The following GFRAL variants were observed in gnomAD, a reference collection of about 807,000 sequenced individuals.
GFRAL encodes GDNF family receptor alpha like, also known as GDNF family receptor alpha-like.
In GFRAL, 36 loss-of-function variants were observed where a neutral mutation model predicts 45.4. The ratio of observed to expected loss-of-function variants is 0.79; its 90% CI spans 0.61 to 1.05. The LOEUF is 1.05. GFRAL is among the 50% of genes least tolerant of loss of function. The pLI is 0.00. For missense variants in GFRAL, 507 were observed against 467.5 expected, an observed-to-expected ratio of 1.08 and a Z score of -0.78; for synonymous variants, 166 against 154.1, an observed-to-expected ratio of 1.08 and a Z score of -0.57.
intron 6 of GFRAL, among the ~76,000 whole-genome samples, chr6:55,363,055 G>A (rs9464234): frequency 0.069 from 10,355 of 150,334 alleles, 1,084 homozygotes; most frequent in East Asian, 0.36. Flanking sequence ...TAGAGGAGGA[G>A]GAGGAGAAAG....
chr6:55,380,776 T>A (rs973230536), intron 6 of GFRAL, among the ~76,000 whole-genome samples: 4 of 151,974 alleles, frequency 2.6e-5, no homozygotes, highest in African/African-American at 9.7e-5. Flanking sequence ...AATGAATGAA[T>A]GAGTAAATGA....
At chr6:55,375,631 G>A (rs978939376) in intron 6 of GFRAL, among the ~76,000 whole-genome samples, 1 of 151,736 alleles carries the variant, frequency 6.6e-6, no homozygotes, top group African/African-American at 2.4e-5. Context: ...CAATTGCTCT[G>A]GCCAAAACTT....
intron 3 of GFRAL, among the ~76,000 whole-genome samples, chr6:55,349,576 A>T (rs1282186163): frequency 6.6e-6 from 1 of 152,040 alleles, no homozygotes; most frequent in Admixed American, 6.6e-5. Flanking sequence ...TTAGATGAAC[A>T]CCGAGTTCAT....
intron 6 of GFRAL, among the ~76,000 whole-genome samples, chr6:55,369,626 T>A (rs4715534): frequency 0.19 from 28,830 of 152,102 alleles, 3,137 homozygotes; most frequent in African/African-American, 0.3. Flanking sequence ...GGCATTTGAA[T>A]AGAGTAAGTT....
intron 5 of GFRAL, among the ~76,000 whole-genome samples, chr6:55,354,230 G>GCA (rs1768156992): frequency 6.6e-6 from 1 of 151,986 alleles, no homozygotes; most frequent in South Asian, 2.1e-4. Flanking sequence ...AGACTCTGAA[G>GCA]CACACACTCT....
chr6:55,395,162 G>GAAAAA (rs869161118), intron 6 of GFRAL, among the ~76,000 whole-genome samples: 8 of 125,172 alleles, frequency 6.4e-5, no homozygotes, highest in African/African-American at 1.7e-4. Context: ...TCAGCCTATG[G>GAAAAA]AAAAAAAAAA....
At chr6:55,357,908 C>A (rs1348995110) in intron 5 of GFRAL, among the ~76,000 whole-genome samples, 2 of 151,762 alleles carry the variant, frequency 1.3e-5, no homozygotes, top group Non-Finnish European at 2.9e-5. Flanking sequence ...ACTTCCAAAA[C>A]TTACATTTAG....
chr6:55,367,410 G>A (rs1163583304), intron 6 of GFRAL, among the ~76,000 whole-genome samples: 1 of 144,874 alleles, frequency 6.9e-6, no homozygotes, highest in African/African-American at 2.7e-5. Context: ...GCCAGTCTGT[G>A]TTTTTTAATT....
chr6:55,342,365 A>C (rs1330351224), intron 3 of GFRAL, among the ~76,000 whole-genome samples: 2 of 152,210 alleles, frequency 1.3e-5, no homozygotes, highest in African/African-American at 4.8e-5. Context: ...GTGGGGACCA[A>C]TATTCAACAT....
intron 1 of GFRAL, among the ~76,000 whole-genome samples, chr6:55,328,618 G>C (rs1051075948): frequency 2.8e-4 from 43 of 151,012 alleles, no homozygotes; most frequent in Admixed American, 9.9e-4. Flanking sequence ...TATTTCTTTA[G>C]TTCTTTTTTG....
intron 3 of GFRAL, 118 bp from the exon 4 acceptor site, chr6:55,349,974 G>T: frequency 1.5e-6 from 1 of 688,290 alleles, no homozygotes; most frequent in Non-Finnish European, 2.6e-6. Flanking sequence ...ACATAACCTT[G>T]TATGTACTTT....
At position 55,399,274 on chromosome 6, in the gene GFRAL, T is replaced by G. The variant is rs780116452; in HGVS notation, c.1047T>G (p.Asn349Lys). 25 of 1,581,480 alleles carry G rather than the reference T, an allele frequency of 1.6e-5. No homozygotes were observed. In the South Asian group the frequency reaches 2.8e-4, roughly 18 times the overall value. The change falls in exon 7 of 9, where the codon AAT becomes AAG. Residue 349 changes from asparagine (N) to lysine (K), a missense_variant and splice_region_variant. By Grantham distance (94) the Asn-to-Lys change is moderately conservative. Transcript: ENST00000340465. ...TAACTGGATTTCATTCCCCCTTCAA[T>G]GGTCAGTTAAAAATCAATCCTCTAT... is the stretch of plus-strand genomic sequence containing the variant. ...ITLTGFHSPFNGEVIYAAMCM... is the reference protein window; with the variant it reads ...ITLTGFHSPFKGEVIYAAMCM...
intron 6 of GFRAL, among the ~76,000 whole-genome samples, chr6:55,366,031 G>A (rs1581914431): frequency 6.6e-6 from 1 of 150,624 alleles, no homozygotes; most frequent in South Asian, 2.1e-4. Flanking sequence ...GTTCCTCCTT[G>A]TACCTCTGGT....
intron 6 of GFRAL, among the ~76,000 whole-genome samples, chr6:55,372,790 A>T (rs958607126): frequency 1.3e-5 from 2 of 152,176 alleles, no homozygotes; most frequent in African/African-American, 4.8e-5. Context: ...TAATCAACAA[A>T]TAAGTCTCTG....
intron 3 of GFRAL, among the ~76,000 whole-genome samples, chr6:55,339,877 A>G (rs1767939210): frequency 4.6e-5 from 7 of 152,240 alleles, no homozygotes. Flanking sequence ...AGAACTATAC[A>G]TATTTAGAGC....
intron 6 of GFRAL, among the ~76,000 whole-genome samples, chr6:55,388,630 T>C (rs1266115956): frequency 6.6e-6 from 1 of 152,194 alleles, no homozygotes; most frequent in African/African-American, 2.4e-5. Flanking sequence ...TTCGACTCAG[T>C]CAATTTCTTT....
chr6:55,341,361 T>C (rs1445120311), intron 3 of GFRAL, among the ~76,000 whole-genome samples: 1 of 152,184 alleles, frequency 6.6e-6, no homozygotes, highest in East Asian at 1.9e-4. Flanking sequence ...CATTTGCTGT[T>C]CAGCAATATT....
At chr6:55,333,708 G>T in intron 2 of GFRAL, 78 bp from the exon 3 acceptor site, 1 of 880,026 alleles carries the variant, frequency 1.1e-6, no homozygotes. Flanking sequence ...AGGTTAATAT[G>T]TTAAAAGTAC....
chr6:55,349,600 A>G (rs1395950894), intron 3 of GFRAL, among the ~76,000 whole-genome samples: 1 of 151,932 alleles, frequency 6.6e-6, no homozygotes. Context: ...CGTTGATGAG[A>G]TTTTTCAATA....
Sources: allele counts gnomAD v4.1 joint callset (sites outside exome capture counted in the v4.1 genomes callset), GRCh38; gene constraint gnomAD v4.1.1; transcripts MANE v1.5; gene names NCBI Gene and HGNC (gene_info 2026-07-23, HGNC 2026-07-21).